FAM149B1: variants seen among roughly 807,000 people sequenced by gnomAD.
FAM149B1 encodes primary cilium assembly protein FAM149B1.
FAM149B1 carries 56 observed loss-of-function variants against 75.3 expected under a neutral mutation model. The ratio of observed to expected loss-of-function variants is 0.74; its 90% CI spans 0.60 to 0.93. FAM149B1 has a LOEUF of 0.93. FAM149B1 is among the 40% of genes least tolerant of loss of function. The probability of loss-of-function intolerance (pLI) is 0.00; values close to 1 mark genes in which losing one functional copy is unlikely to be tolerated. For synonymous variants in FAM149B1, 259 were observed against 256.1 expected, an observed-to-expected ratio of 1.01 and a Z score of -0.11; for missense variants, 639 against 708.4, an observed-to-expected ratio of 0.90 and a Z score of 1.11.
chr10:73,194,452 G>A (rs1470002846), intron 5 of FAM149B1, among the ~76,000 whole-genome samples: 2 of 149,648 alleles, frequency 1.3e-5, no homozygotes, highest in Non-Finnish European at 3.0e-5. Flanking sequence ...GAGTGCAGTG[G>A]CGCAGTCTTG....
intron 3 of FAM149B1, among the ~76,000 whole-genome samples, chr10:73,182,205 CTG>C (rs1428175306): frequency 2.9e-5 from 4 of 137,272 alleles, no homozygotes; most frequent in Middle Eastern, 3.9e-3. Flanking sequence ...TTCACCCAGT[CTG>C]TGTCTTTTTT....
At chr10:73,230,252 G>A (rs2043655280) in intron 8 of FAM149B1, 170 bp from the exon 9 acceptor site, 1 of 542,106 alleles carries the variant, frequency 1.8e-6, no homozygotes, top group Admixed American at 3.1e-5. Flanking sequence ...CCTATCACAT[G>A]GACAGTTGAC....
At chr10:73,236,515 G>A (rs1484590964) in intron 12 of FAM149B1, among the ~76,000 whole-genome samples, 1 of 150,284 alleles carries the variant, frequency 6.7e-6, no homozygotes, top group African/African-American at 2.5e-5. Context: ...CTGGGTTCAT[G>A]TGATTCTCCT....
intron 5 of FAM149B1, among the ~76,000 whole-genome samples, chr10:73,206,444 G>A (rs1449293933): frequency 2.0e-5 from 3 of 152,256 alleles, no homozygotes; most frequent in East Asian, 3.8e-4. Flanking sequence ...AGGAACTCAA[G>A]CAGGCTGTGG....
chr10:73,216,515 C>CA (rs1171339647), intron 7 of FAM149B1, among the ~76,000 whole-genome samples: 1 of 152,164 alleles, frequency 6.6e-6, no homozygotes, highest in Non-Finnish European at 1.5e-5. Flanking sequence ...GAAATTGCAG[C>CA]ATTAAACTAT....
rs148615585 is a variant in FAM149B1, at chr10:73,181,357, T to C, written c.282+3382T>C. Among the ~76,000 whole-genome samples the C allele has an allele frequency of 1.8e-3, 278 of 152,222 alleles. 3 individuals are homozygous for C. Among genetic ancestry groups the C allele is most frequent in the African/African-American group, 6.3e-3 (262 of 41,538 alleles). ...GTATCATTAGATTGTTCATGTGAAG[T>C]TTTTTCTCTTTTTTGTTGTAGGCAC... On this transcript the variant is annotated intron_variant, in intron 3 of 13. Transcript: ENST00000242505.
intron 7 of FAM149B1, among the ~76,000 whole-genome samples, chr10:73,215,076 G>A (rs1303166553): frequency 1.3e-5 from 2 of 152,072 alleles, no homozygotes; most frequent in African/African-American, 4.8e-5. Context: ...GCAGTGGCAT[G>A]ATCTCGGCTC....
At chr10:73,234,440 A>C in intron 10 of FAM149B1, 1 of 201,850 alleles carries the variant, frequency 5.0e-6, no homozygotes, top group South Asian at 8.5e-5. Flanking sequence ...CGAGAACTAT[A>C]GTTATTAGGG....
chr10:73,210,498 C>T (rs2043163951), intron 7 of FAM149B1, 60 bp downstream of exon 7: 6 of 1,236,808 alleles, frequency 4.9e-6, no homozygotes, highest in Non-Finnish European at 6.8e-6. Context: ...AAACCCTAAC[C>T]AGTCTATTAG....
chr10:73,173,482 T>TA (rs1181189868), intron 1 of FAM149B1, among the ~76,000 whole-genome samples: 2 of 152,252 alleles, frequency 1.3e-5, no homozygotes, highest in Non-Finnish European at 2.9e-5. Flanking sequence ...TATCCCTTTA[T>TA]AGTTATATCC....
chr10:73,238,343 C>T (rs189160144), intron 12 of FAM149B1, among the ~76,000 whole-genome samples: 374 of 152,304 alleles, frequency 2.5e-3, no homozygotes, highest in African/African-American at 8.5e-3. Flanking sequence ...CGAGAAGACT[C>T]TGTCCCCCCA....
chr10:73,175,043 AAAACAAAC>A (rs150074240), intron 2 of FAM149B1, among the ~76,000 whole-genome samples: 3 of 152,000 alleles, frequency 2.0e-5, no homozygotes. Flanking sequence ...TTAGAATGAA[AAAACAAAC>A]AAACAAACAC....
chr10:73,183,053 G>A (rs1393197368), intron 3 of FAM149B1, among the ~76,000 whole-genome samples: 1 of 152,180 alleles, frequency 6.6e-6, no homozygotes, highest in Non-Finnish European at 1.5e-5. Context: ...TTTTCTGACT[G>A]TGTAAGAGTG....
At chr10:73,228,577 C>A (rs544007202) in intron 8 of FAM149B1, among the ~76,000 whole-genome samples, 1 of 151,872 alleles carries the variant, frequency 6.6e-6, no homozygotes, top group Non-Finnish European at 1.5e-5. Flanking sequence ...TTTCTCTCAA[C>A]TTGGCCCACC....
chr10:73,216,378 T>C (rs747217506), intron 7 of FAM149B1, among the ~76,000 whole-genome samples: 5 of 152,242 alleles, frequency 3.3e-5, no homozygotes, highest in Non-Finnish European at 5.9e-5. Flanking sequence ...AAGTGGACCA[T>C]TTAATGCATT....
At chr10:73,206,671 C>T (rs2043065454) in intron 5 of FAM149B1, among the ~76,000 whole-genome samples, 1 of 152,146 alleles carries the variant, frequency 6.6e-6, no homozygotes, top group Non-Finnish European at 1.5e-5. Flanking sequence ...TCAGCGGGGC[C>T]CAGTTACAGC....
intron 13 of FAM149B1, among the ~76,000 whole-genome samples, chr10:73,239,651 C>T (rs1354464527): frequency 1.4e-5 from 2 of 145,074 alleles, no homozygotes; most frequent in Non-Finnish European, 3.0e-5. Context: ...TGGTAAACTG[C>T]CTTTTTTTTT....
chr10:73,170,448 G>T (rs538685750), intron 1 of FAM149B1, among the ~76,000 whole-genome samples: 3 of 148,094 alleles, frequency 2.0e-5, no homozygotes, highest in South Asian at 4.4e-4. Context: ...AGGTTGCCGT[G>T]AGCCGAGATC....
intron 8 of FAM149B1, among the ~76,000 whole-genome samples, chr10:73,228,526 G>T (rs1440767318): frequency 6.6e-6 from 1 of 152,106 alleles, no homozygotes; most frequent in Non-Finnish European, 1.5e-5. Context: ...CCTTGACATT[G>T]TCCTTTGAAC....
Sources: gnomAD v4.1 joint callset for allele counts (sites outside exome capture counted in the v4.1 genomes callset) on GRCh38, gnomAD v4.1.1 for gene constraint, MANE v1.5 for transcripts, NCBI Gene and HGNC (gene_info 2026-07-23, HGNC 2026-07-21) for gene names.